PLP2: variants seen among roughly 807,000 people sequenced by gnomAD.
PLP2 encodes the protein A4 differentiation-dependent protein.
In PLP2, 8 loss-of-function variants were observed where a neutral mutation model predicts 11.4. That is an observed-to-expected ratio of 0.70 (90% CI 0.41 to 1.27). The LOEUF (loss-of-function observed/expected upper bound fraction) is 1.27, where lower values mean the gene tolerates loss of function less well. PLP2 is among the 50% of genes most tolerant of loss of function. PLP2 has a pLI of 0.01. For missense variants in PLP2, 127 were observed against 123.5 expected (o/e 1.03, Z -0.14); for synonymous variants, 50 against 53.2 (o/e 0.94, Z 0.26).
Position 49,174,282 on chromosome X carries a change from T to TG in PLP2, c.346-52dup, listed in dbSNP as rs1392255132. 9.9e-6 allele frequency: 9 copies of TG among 907,805 alleles called. No individual in the cohort carries two copies. In the Admixed American group the frequency reaches 1.6e-4, roughly 16 times the overall value. 74.8% of individuals were successfully genotyped at this position (907,805 alleles called of 1,213,427 possible). On this transcript the variant is annotated intron_variant, in intron 3 of 4. Transcript: ENST00000376327. ...TGGTGGATACAAGAAGATAAGAGAC[T>TG]GAGTAACCTGACCAGCTAATCTAAA...
rs782266678 is a variant in PLP2, at chrX:49,174,407, C to A, written c.418C>A (p.His140Asn). 8.5e-7 allele frequency: 1 copy of A among 1,179,149 alleles called. No individual in the cohort carries two copies. The highest frequency in any genetic ancestry group is 2.4e-5 in the Admixed American group (1 of 42,119). Residue 140 changes from histidine to asparagine, a missense_variant, in exon 4 of 5, where the codon CAT becomes AAT. Physicochemically the swap from His to Asn is moderately conservative, Grantham distance 68. Coordinates refer to ENST00000376327, the MANE Select transcript of PLP2 (RefSeq NM_002668.3). ...YVTFPVRQPR[H>N]TAAPTDPADG... ...CACCTTCCCCGTTCGGCAGCCAAGA[C>A]ATACAGCAGCCCCCACTGGTAAGTG...
chrX:49,172,593 C>T (rs2065396510), intron 1 of PLP2, among the ~76,000 whole-genome samples: 1 of 112,762 alleles, frequency 8.9e-6, no homozygotes, highest in East Asian at 2.8e-4. Flanking sequence ...CTTAGCTTTT[C>T]GGGGTTTCCA....
Position 49,174,674 on chromosome X carries a change from C to A in PLP2, c.439C>A (p.Pro147Thr). 8.3e-7 allele frequency: 1 copy of A among 1,206,290 alleles called. No homozygotes were observed. Among genetic ancestry groups the A allele is most frequent in the Non-Finnish European group, 1.1e-6 (1 of 890,774 alleles). ...TTCTCTCTTTTCCTCACCTGCAGAC[C>A]CCGCAGATGGCCCGGTGTAGGCGAA... ...QPRHTAAPTD[P>T]ADGPV is the part of the protein sequence containing the mutation. Residue 147 changes from proline (P) to threonine (T), a missense_variant and splice_region_variant, in exon 5 of 5, where the codon CCC becomes ACC. Coordinates refer to ENST00000376327, the MANE Select transcript of PLP2 (RefSeq NM_002668.3).
At chrX:49,172,454 G>GGGCT (rs1557099313) in intron 1 of PLP2, among the ~76,000 whole-genome samples, 1 of 111,676 alleles carries the variant, frequency 9.0e-6, no homozygotes, top group African/African-American at 3.3e-5. Context: ...ACAGGAGGGC[G>GGGCT]GGCTGGCAGC....
Position 49,174,329 on chromosome X carries a change from C to T in PLP2, c.346-6C>T. On this transcript the variant is annotated splice_polypyrimidine_tract_variant and splice_region_variant and intron_variant, in intron 3 of 4. Transcript: ENST00000376327. ...TAAACCCCCTCACTCCTATCCTGTC[C>T]CCCAGGTACTGGGCCTAATCGCTAC... The T allele has an allele frequency of 8.4e-7, 1 of 1,192,565 alleles. No homozygotes were observed. Among genetic ancestry groups the T allele is most frequent in the African/African-American group, 1.7e-5 (1 of 57,412 alleles).
At position 49,174,766 on chromosome X, in the gene PLP2, C is replaced by A; in HGVS notation, c.*72C>A. 1 of 906,616 alleles carries A rather than the reference C, an allele frequency of 1.1e-6. No homozygotes were observed. Among genetic ancestry groups the A allele is most frequent in the Non-Finnish European group, 1.6e-6 (1 of 623,551 alleles). 74.7% of individuals were successfully genotyped at this position (906,616 alleles called of 1,213,427 possible). A position where few individuals can be genotyped will look rare whatever the true frequency, so the allele number is the denominator to read the frequency against. On this transcript the variant is annotated 3_prime_UTR_variant, in exon 5 of 5. Transcript: ENST00000376327. Reference sequence around the variant, plus strand: ...TTGAAATAACTCCTCCCCACCCCAACAACAACATTCCCAGCAGACCAACTC... The same window carrying A: ...TTGAAATAACTCCTCCCCACCCCAAAAACAACATTCCCAGCAGACCAACTC...
intron 1 of PLP2, among the ~76,000 whole-genome samples, chrX:49,172,437 C>T (rs904724175): frequency 1.8e-5 from 2 of 111,425 alleles, no homozygotes; most frequent in African/African-American, 3.3e-5. Flanking sequence ...CGTGGCGCGG[C>T]CTGGGCACAG....
rs2065407508 is a variant in PLP2, at chrX:49,175,033, G to A, written c.*339G>A. 2.6e-6 allele frequency: 1 copy of A among 379,464 alleles called. No homozygotes were observed. The highest frequency in any genetic ancestry group is 4.4e-5 in the Admixed American group (1 of 22,543). 31.3% of individuals were successfully genotyped at this position (379,464 alleles called of 1,213,427 possible). ...GGGACCCACTCCAAATAATCTCCTC[G>A]GTGTGGGTGGTGGTTCTATAGAGGG... On this transcript the variant is annotated 3_prime_UTR_variant, in exon 5 of 5. Coordinates refer to ENST00000376327, the MANE Select transcript of PLP2 (RefSeq NM_002668.3).
chrX:49,173,239 T>C lies in PLP2; in HGVS notation c.207T>C (p.Cys69=). 8.3e-7 allele frequency: 1 copy of C among 1,211,264 alleles called. No homozygotes were observed. The highest frequency in any genetic ancestry group is 3.0e-5 in the East Asian group (1 of 33,834). Residue 69 remains cysteine (C), a synonymous_variant, in exon 2 of 5, where the codon TGT becomes TGC. Transcript: ENST00000376327. The part of the protein sequence containing the change: ...LAAIFFVVYM[C]DLHTKIPFIN... ...CTATTTTCTTTGTTGTCTACATGTG[T>C]GACCTGCACACCAAGATACCATTCA... is the stretch of plus-strand genomic sequence containing the variant.
At chrX:49,173,767 TGTA>T (rs1484607988) in intron 3 of PLP2, 6 of 472,387 alleles carry the variant, frequency 1.3e-5, no homozygotes, top group African/African-American at 2.4e-5. Context: ...TTGTCCCAAA[TGTA>T]GTAGAAATTG....
At chrX:49,173,628 AC>A (rs2065400519) in intron 3 of PLP2, 145 bp downstream of exon 3, 1 of 1,138,094 alleles carries the variant, frequency 8.8e-7, no homozygotes. Flanking sequence ...CTGGCCCAGG[AC>A]TTGGTTTTGC....
At chrX:49,172,239 G>A (rs1156569868) in intron 1 of PLP2, 143 bp downstream of exon 1, 4 of 489,227 alleles carry the variant, frequency 8.2e-6, no homozygotes, top group Non-Finnish European at 1.4e-5. Context: ...GTGGAGGCCC[G>A]AAACCCGGGG....
chrX:49,173,873 C>A (rs782150845), intron 3 of PLP2, among the ~76,000 whole-genome samples: 128 of 111,833 alleles, frequency 1.1e-3, no homozygotes, highest in African/African-American at 4.0e-3. Context: ...AGTTCAAGAC[C>A]AGCCTGGCCA....
intron 2 of PLP2, 27 bp downstream of exon 2, chrX:49,173,308 C>A: frequency 8.3e-7 from 1 of 1,208,371 alleles, no homozygotes; most frequent in Non-Finnish European, 1.1e-6. Flanking sequence ...AATGGCAAGA[C>A]CAGGGAGGGG....
chrX:49,172,251 G>A (rs782312965), intron 1 of PLP2, among the ~76,000 whole-genome samples, 155 bp downstream of exon 1: 4 of 111,168 alleles, frequency 3.6e-5, no homozygotes, highest in South Asian at 3.9e-4. Flanking sequence ...AACCCGGGGC[G>A]CAGGGCGAGT....
intron 3 of PLP2, among the ~76,000 whole-genome samples, chrX:49,174,064 A>G (rs781865967): frequency 9.8e-4 from 108 of 109,659 alleles, no homozygotes; most frequent in Non-Finnish European, 1.5e-3. Flanking sequence ...TGGGTGACAG[A>G]GTGATACTGT....
At chrX:49,172,322 A>G (rs1485460367) in intron 1 of PLP2, among the ~76,000 whole-genome samples, 1 of 111,107 alleles carries the variant, frequency 9.0e-6, no homozygotes, top group East Asian at 2.9e-4. Flanking sequence ...CAAGGAGCCT[A>G]TAACGCATAC....
In PLP2 at chrX:49,172,046, T is replaced by C; in HGVS notation, c.46T>C (p.Cys16Arg). The change falls in exon 1 of 5, where the codon TGC becomes CGC. Residue 16 changes from cysteine to arginine, a missense_variant. Physicochemically the swap from Cys to Arg is radical, Grantham distance 180. Coordinates refer to ENST00000376327, the MANE Select transcript of PLP2 (RefSeq NM_002668.3). ...RLSAPGCWAACTNFSRTRKGI... is the reference protein window; with the variant it reads ...RLSAPGCWAARTNFSRTRKGI... ...CTCGGCTCCTGGCTGCTGGGCCGCC[T>C]GCACCAACTTCTCGCGCACTCGAAA... The C allele has an allele frequency of 1.7e-6, 2 of 1,208,491 alleles. No homozygotes were observed. The highest frequency in any genetic ancestry group is 2.2e-6 in the Non-Finnish European group (2 of 892,528).
Position 49,174,772 on chromosome X carries a change from C to A in PLP2, c.*78C>A. 2.3e-6 allele frequency: 2 copies of A among 876,027 alleles called. No individual in the cohort carries two copies. The highest frequency in any genetic ancestry group is 4.8e-5 in the Admixed American group (2 of 41,968). 72.2% of individuals were successfully genotyped at this position (876,027 alleles called of 1,213,427 possible). A position where few individuals can be genotyped will look rare whatever the true frequency, so the allele number is the denominator to read the frequency against. ...TAACTCCTCCCCACCCCAACAACAACATTCCCAGCAGACCAACTCCCACCC... is the reference window on the plus strand; with the variant it reads ...TAACTCCTCCCCACCCCAACAACAAAATTCCCAGCAGACCAACTCCCACCC... On this transcript the variant is annotated 3_prime_UTR_variant, in exon 5 of 5. Coordinates refer to ENST00000376327, the MANE Select transcript of PLP2 (RefSeq NM_002668.3).
Sources: allele counts gnomAD v4.1 joint callset (sites outside exome capture counted in the v4.1 genomes callset), GRCh38; gene constraint gnomAD v4.1.1; transcripts MANE v1.5; gene names NCBI Gene and HGNC (gene_info 2026-07-23, HGNC 2026-07-21).